Variants in ENOX1 observed in about 807,000 individuals in gnomAD.
ENOX1 encodes ecto-NOX disulfide-thiol exchanger 1, also known as candidate growth-related and time keeping constitutive hydroquinone (NADH) oxidase.
In ENOX1, 42 loss-of-function variants were observed where a neutral mutation model predicts 82.5. That is an observed-to-expected ratio of 0.51 (90% confidence interval 0.40 to 0.66). The LOEUF (loss-of-function observed/expected upper bound fraction) is 0.66, where lower values mean the gene tolerates loss of function less well. Ranked by LOEUF, ENOX1 falls within the 30% of genes least tolerant of loss-of-function variation. The probability of loss-of-function intolerance (pLI) is 0.00; values close to 1 mark genes in which losing one functional copy is unlikely to be tolerated. For missense variants in ENOX1, 608 were observed against 811.6 expected (o/e 0.75, Z 3.05); for synonymous variants, 271 against 282.2 (o/e 0.96, Z 0.40).
chr13:43,308,900 C>T (rs1182114517), intron 11 of ENOX1, among the ~76,000 whole-genome samples: 1 of 152,176 alleles, frequency 6.6e-6, no homozygotes, highest in Non-Finnish European at 1.5e-5. Flanking sequence ...GAGGAACTCT[C>T]AGGATGAGCC....
intron 1 of ENOX1, among the ~76,000 whole-genome samples, chr13:43,759,949 C>T (rs1950872822): frequency 6.6e-6 from 1 of 152,136 alleles, no homozygotes; most frequent in Non-Finnish European, 1.5e-5. Context: ...ATAGTCTCTG[C>T]CTTCATAAAA....
At chr13:43,242,299 T>A (rs1048818031) in intron 14 of ENOX1, among the ~76,000 whole-genome samples, 10 of 152,264 alleles carry the variant, frequency 6.6e-5, no homozygotes, top group Non-Finnish European at 1.3e-4. Context: ...TGTTTAGTCT[T>A]CACTGGCTTT....
rs1566600496 is a variant in ENOX1 at position 43,360,042 on chromosome 13, G to A, written c.398C>T (p.Ser133Phe). 6.2e-7 allele frequency: 1 copy of A among 1,614,124 alleles called. No individual in the cohort carries two copies. ...FPQNPNLPPP[S>F]TRERPPGCKT... is the part of the protein sequence containing the mutation. ...ACACCCAGGAGGTCGTTCTCTTGTGGAAGGAGGTGGAAGATCTAATAATCA... is the reference window on the plus strand; with the variant it reads ...ACACCCAGGAGGTCGTTCTCTTGTGAAAGGAGGTGGAAGATCTAATAATCA... The change falls in exon 7 of 17, where the codon TCC becomes TTC. Residue 133 changes from serine (S) to phenylalanine (F), a missense_variant. Physicochemically the swap from Ser to Phe is radical, Grantham distance 155 (BLOSUM62 -2). Transcript: ENST00000690772.
chr13:43,606,489 T>C (rs2081980616), intron 2 of ENOX1, among the ~76,000 whole-genome samples: 1 of 152,210 alleles, frequency 6.6e-6, no homozygotes, highest in African/African-American at 2.4e-5. Flanking sequence ...TCCTGTCATC[T>C]GCAACAAAAA....
chr13:43,531,294 C>T (rs1351648519), intron 2 of ENOX1, among the ~76,000 whole-genome samples: 1 of 152,038 alleles, frequency 6.6e-6, no homozygotes, highest in Non-Finnish European at 1.5e-5. Context: ...CAAAAGAAGA[C>T]ATTTATGCAG....
chr13:43,313,507 C>T (rs2047323350), intron 11 of ENOX1, among the ~76,000 whole-genome samples: 1 of 151,940 alleles, frequency 6.6e-6, no homozygotes, highest in Admixed American at 6.6e-5. Flanking sequence ...CATAGATTCT[C>T]CTAGGTAATT....
At chr13:43,565,463 G>T (rs1314088844) in intron 2 of ENOX1, among the ~76,000 whole-genome samples, 1 of 152,022 alleles carries the variant, frequency 6.6e-6, no homozygotes, top group East Asian at 1.9e-4. Context: ...AAGCTCCAGT[G>T]GCCTGGGGTT....
intron 14 of ENOX1, among the ~76,000 whole-genome samples, chr13:43,240,856 T>C (rs1379707132): frequency 1.3e-5 from 2 of 152,260 alleles, no homozygotes; most frequent in East Asian, 3.8e-4. Context: ...TCTTGATGTT[T>C]TCTTGTGGGA....
chr13:43,309,617 C>T (rs1393995163), intron 11 of ENOX1, among the ~76,000 whole-genome samples: 2 of 152,178 alleles, frequency 1.3e-5, no homozygotes, highest in African/African-American at 4.8e-5. Flanking sequence ...CTTTTTATCC[C>T]CAGAGTTCGA....
At position 43,786,373 on chromosome 13, in the gene ENOX1, G is replaced by A. The variant is rs970683298; in HGVS notation, c.-285+279C>T. 3.9e-5 allele frequency among the ~76,000 whole-genome samples: 6 copies of A among 151,916 alleles called. No homozygotes were observed. Among genetic ancestry groups the A allele is most frequent in the African/African-American group, 1.5e-4 (6 of 41,376 alleles). ...GACACTGGCTGGCGGGCGGAGGGGAGAGCGGGGAACAGCTGTCTGGGGCGC... is the reference window on the plus strand; with the variant it reads ...GACACTGGCTGGCGGGCGGAGGGGAAAGCGGGGAACAGCTGTCTGGGGCGC... On this transcript the variant is annotated intron_variant, in intron 1 of 16. Coordinates refer to ENST00000690772, the MANE Select transcript of ENOX1 (RefSeq NM_001347969.2). This position sits in a 1 kb window ranked among gnomAD's most constrained non-coding sequence, Gnocchi z 6.0.
At position 43,530,145 on chromosome 13, in the gene ENOX1, T is replaced by C. The variant is rs569388505; in HGVS notation, c.-218-45993A>G. Among the ~76,000 whole-genome samples, 6 of 152,286 alleles carry C rather than the reference T, an allele frequency of 3.9e-5. No individual in the cohort carries two copies. The South Asian group carries it at 1.0e-3, about 26-fold the overall frequency. On this transcript the variant is annotated intron_variant, in intron 2 of 16. Transcript: ENST00000690772. ...TAAACAAAGCATCCAATGTTCATAG[T>C]ATTTCAAACAATACCTATCAACTTT...
intron 11 of ENOX1, among the ~76,000 whole-genome samples, chr13:43,308,527 T>A (rs772952656): frequency 1.3e-5 from 2 of 152,204 alleles, no homozygotes; most frequent in Non-Finnish European, 1.5e-5. Flanking sequence ...GTGAGTATAA[T>A]TTTTCAGGTA....
rs1447085737 is a variant in ENOX1 at position 43,741,629 on chromosome 13, CCAATATA to C, written c.-285+45016_-285+45022del. Among the ~76,000 whole-genome samples the C allele has an allele frequency of 2.0e-5, 3 of 152,278 alleles. No homozygotes were observed. In the East Asian group the frequency reaches 5.8e-4, roughly 29 times the overall value. The stretch of plus-strand genomic sequence containing the variant: ...TAAGTTGCATGAGTTCTTTACATAT[CCAATATA>C]CAAGTCCCTTATCAGATACATGATT... On this transcript the variant is annotated intron_variant, in intron 1 of 16. Transcript: ENST00000690772.
intron 11 of ENOX1, among the ~76,000 whole-genome samples, chr13:43,316,805 C>G (rs1413984978): frequency 6.6e-6 from 1 of 151,924 alleles, no homozygotes; most frequent in Non-Finnish European, 1.5e-5. Context: ...AACAGGAAAG[C>G]CTTGGCTCCT....
At chr13:43,536,723 C>T (rs1230518451) in intron 2 of ENOX1, among the ~76,000 whole-genome samples, 1 of 152,222 alleles carries the variant, frequency 6.6e-6, no homozygotes, top group Non-Finnish European at 1.5e-5. Context: ...TGGTCACTCA[C>T]AACCTTATAT....
At chr13:43,379,049 G>C (rs917210683) in intron 5 of ENOX1, among the ~76,000 whole-genome samples, 1 of 152,028 alleles carries the variant, frequency 6.6e-6, no homozygotes, top group African/African-American at 2.4e-5. Context: ...AGACAGCAAT[G>C]AGCCAAAAAA....
Position 43,624,117 on chromosome 13 carries a change from T to C in ENOX1, c.-219+43362A>G, listed in dbSNP as rs142364840. Among the ~76,000 whole-genome samples the C allele has an allele frequency of 1.6e-4, 24 of 152,364 alleles. No homozygotes were observed. In the East Asian group the frequency reaches 4.2e-3, roughly 27 times the overall value. ...TTGTCAGTAGTTTTTATTTTACTTA[T>C]TCTGATTCATATATAGTGATACTCA... On this transcript the variant is annotated intron_variant, in intron 2 of 16. Coordinates refer to ENST00000690772, the MANE Select transcript of ENOX1 (RefSeq NM_001347969.2).
intron 2 of ENOX1, among the ~76,000 whole-genome samples, chr13:43,642,064 T>C (rs1223764972): frequency 6.6e-6 from 1 of 152,218 alleles, no homozygotes; most frequent in Non-Finnish European, 1.5e-5. Flanking sequence ...ATCATCCTAA[T>C]TTTACAGAAG....
intron 2 of ENOX1, among the ~76,000 whole-genome samples, chr13:43,539,185 T>C (rs985695772): frequency 4.6e-5 from 7 of 152,204 alleles, no homozygotes; most frequent in African/African-American, 1.7e-4. Flanking sequence ...AAATTTTCAT[T>C]ATTTTCTGCT....
Sources: allele counts gnomAD v4.1 joint callset (sites outside exome capture counted in the v4.1 genomes callset), GRCh38; gene constraint gnomAD v4.1.1; non-coding constraint Gnocchi (gnomAD v3.1); transcripts MANE v1.5; gene names NCBI Gene and HGNC (gene_info 2026-07-23, HGNC 2026-07-21).